The following MUC5B variants were observed in gnomAD, a reference collection of about 807,000 sequenced individuals.
MUC5B encodes mucin 5B, oligomeric mucus/gel-forming, also known as mucin-5B.
MUC5B carries 116 observed loss-of-function variants against 376.9 expected under a neutral mutation model. The ratio of observed to expected loss-of-function variants is 0.31; its 90% CI spans 0.26 to 0.36. The LOEUF (loss-of-function observed/expected upper bound fraction) is 0.36. Ranked by LOEUF, MUC5B falls within the 10% of genes least tolerant of loss-of-function variation. MUC5B has a pLI of 1.00. For missense variants in MUC5B, 7,165 were observed against 7,769.9 expected (o/e 0.92, Z 2.93); for synonymous variants, 3,517 against 3,390.9 (o/e 1.04, Z -1.29).
chr11:1,228,815 A>G (rs1328070300), intron 8 of MUC5B, 50 bp downstream of exon 8: 7 of 410,088 alleles, frequency 1.7e-5, no homozygotes, highest in South Asian at 1.5e-4. Context: ...GAGAAGGGGC[A>G]GGGGGAGCGC....
intron 15 of MUC5B, 97 bp downstream of exon 15, chr11:1,232,257 GGACCCC>G (rs1307639814): frequency 7.0e-7 from 1 of 1,427,114 alleles, no homozygotes; most frequent in Non-Finnish European, 9.4e-7. Flanking sequence ...GTGGGATTGG[GGACCCC>G]ATGGAGGCAG....
In MUC5B at chr11:1,231,991, C is replaced by A; in HGVS notation, c.1679-5C>A. ...CCGCTGACATCCCCCAACCCTGGCC[C>A]CCAGGCCTGTGTGGGAACTTCAACC... On this transcript the variant is annotated splice_region_variant and splice_polypyrimidine_tract_variant and intron_variant, in intron 14 of 48. Transcript: ENST00000529681. 1.2e-6 allele frequency: 2 copies of A among 1,612,586 alleles called. No individual in the cohort carries two copies. The highest frequency in any genetic ancestry group is 2.2e-5 in the South Asian group (2 of 91,084).
At chr11:1,252,718 AC>A (rs1862737786) in intron 32 of MUC5B, 90 bp from the exon 33 acceptor site, 1 of 1,483,384 alleles carries the variant, frequency 6.7e-7, no homozygotes, top group African/African-American at 1.4e-5. Context: ...TCTTGTGGCC[AC>A]CCGGGGCTTT....
chr11:1,251,164 T>G lies in MUC5B; in HGVS notation c.14284T>G (p.Trp4762Gly), dbSNP rs1206112744. 13 of 1,610,066 alleles carry G rather than the reference T, an allele frequency of 8.1e-6. 2 individuals carry two copies. The highest frequency in any genetic ancestry group is 3.3e-5 in the South Asian group (3 of 90,962). Residue 4762 changes from tryptophan (W) to glycine (G), a missense_variant, in exon 31 of 49, where the codon TGG (tryptophan) becomes GGG (glycine). Trp to Gly is a radical substitution (Grantham distance 184, BLOSUM62 -2). This residue lies in a region of MUC5B where 730 missense variants were observed against 592.7 expected (regional missense o/e 1.23). Coordinates refer to ENST00000529681, the MANE Select transcript of MUC5B (RefSeq NM_002458.3). ...PIPSSTLWTT[W>G]TVPAQTTTPM... is the part of the protein sequence containing the mutation. The stretch of plus-strand genomic sequence containing the variant: ...CCCCTCCTCCACCCTGTGGACCACG[T>G]GGACCGTCCCAGCACAGACCACCAC...
chr11:1,246,122 C>G lies in MUC5B; in HGVS notation c.9242C>G (p.Pro3081Arg), dbSNP rs368033072. The part of the protein sequence containing the change: ...SFTLGTTGTL[P>R]EQTTTPMATM... Reference sequence around the variant, plus strand: ...ACCCTTGGGACCACCGGGACCCTCCCAGAACAGACCACCACACCCATGGCC... The same window carrying G: ...ACCCTTGGGACCACCGGGACCCTCCGAGAACAGACCACCACACCCATGGCC... Residue 3081 changes from proline to arginine, a missense_variant, in exon 31 of 49, where the codon CCA (proline) becomes CGA (arginine). By Grantham distance (103) the Pro-to-Arg change is moderately radical (BLOSUM62 -2). Around this residue, in one of 31 missense-constraint regions of MUC5B, gnomAD observed 939 missense variants for 770.6 expected, o/e 1.22. Coordinates refer to ENST00000529681, the MANE Select transcript of MUC5B (RefSeq NM_002458.3). 3.7e-6 allele frequency: 6 copies of G among 1,613,008 alleles called. No homozygotes were observed. The African/African-American group carries it at 6.7e-5, about 18-fold the overall frequency.
intron 1 of MUC5B, among the ~76,000 whole-genome samples, chr11:1,223,707 C>G (rs1316620098): frequency 6.6e-6 from 1 of 152,252 alleles, no homozygotes; most frequent in East Asian, 1.9e-4. Flanking sequence ...GGCCTCAACC[C>G]ACGCTCGACT....
At position 1,250,763 on chromosome 11, in the gene MUC5B, C is replaced by G. The variant is rs1433577697; in HGVS notation, c.13883C>G (p.Thr4628Ser). The G allele has an allele frequency of 6.2e-7, 1 of 1,612,292 alleles. No homozygotes were observed. The highest frequency in any genetic ancestry group is 1.7e-5 in the Admixed American group (1 of 59,940). The change falls in exon 31 of 49, where the codon ACC becomes AGC. Residue 4628 changes from threonine to serine, a missense_variant. Around this residue, in one of 31 missense-constraint regions of MUC5B, gnomAD observed 730 missense variants for 592.7 expected, o/e 1.23. Coordinates refer to ENST00000529681, the MANE Select transcript of MUC5B (RefSeq NM_002458.3). ...WISTTTTPTT[T>S]TPTTSGSTVT... ...AGCACAACCACCACACCCACAACCACCACACCCACAACCAGTGGCTCCACG... is the reference window on the plus strand; with the variant it reads ...AGCACAACCACCACACCCACAACCAGCACACCCACAACCAGTGGCTCCACG...
Position 1,229,173 on chromosome 11 carries a change from G to A in MUC5B, c.980G>A (p.Arg327Gln), listed in dbSNP as rs969709815. The A allele has an allele frequency of 6.9e-6, 11 of 1,592,176 alleles. No homozygotes were observed. The highest frequency in any genetic ancestry group is 2.3e-5 in the East Asian group (1 of 44,142). ...AGCCCCACCTCCTTTTGCGCAGCCCGGACCTGCCCCCTCAACATGCAGCAC... is the reference window on the plus strand; with the variant it reads ...AGCCCCACCTCCTTTTGCGCAGCCCAGACCTGCCCCCTCAACATGCAGCAC... Reference protein sequence around the residue: ...RNWRCPELCPRTCPLNMQHQE... With the variant: ...RNWRCPELCPQTCPLNMQHQE... Residue 327 changes from arginine (R) to glutamine (Q), a missense_variant, in exon 9 of 49, where the codon CGG becomes CAG. Arg to Gln is a conservative substitution (Grantham distance 43). This residue lies in a region of MUC5B where 640 missense variants were observed against 733.0 expected (regional missense o/e 0.87). Transcript: ENST00000529681.
Position 1,242,147 on chromosome 11 carries a change from C to T in MUC5B, c.5267C>T (p.Ser1756Phe). The T allele has an allele frequency of 6.2e-7, 1 of 1,613,480 alleles. No individual in the cohort carries two copies. The highest frequency in any genetic ancestry group is 8.5e-7 in the Non-Finnish European group (1 of 1,179,876). Reference sequence around the variant, plus strand: ...ACACTCACGAGCGAGCTGTCCACCTCTCAGGCCGAGACCAGCACGCCCAGG... The same window carrying T: ...ACACTCACGAGCGAGCTGTCCACCTTTCAGGCCGAGACCAGCACGCCCAGG... The part of the protein sequence containing the change: ...APTLTSELST[S>F]QAETSTPRTE... Residue 1756 changes from serine (S) to phenylalanine (F), a missense_variant, in exon 31 of 49, where the codon TCT becomes TTT. By Grantham distance (155) the Ser-to-Phe change is radical. Around this residue, in one of 31 missense-constraint regions of MUC5B, gnomAD observed 897 missense variants for 779.6 expected, o/e 1.15. Coordinates refer to ENST00000529681, the MANE Select transcript of MUC5B (RefSeq NM_002458.3).
In MUC5B at chr11:1,255,473, C is replaced by A; in HGVS notation, c.15981C>A (p.Pro5327=). The change falls in exon 37 of 49, where the codon CCC becomes CCA. Residue 5327 remains proline, a synonymous_variant. Coordinates refer to ENST00000529681, the MANE Select transcript of MUC5B (RefSeq NM_002458.3). The part of the protein sequence containing the change: ...SDHCRGRLEV[P]CQSLEAYAEL... Reference sequence around the variant, plus strand: ...ACTGCAGGGGCCGCCTTGAGGTGCCCTGCCAGAGCCTGGAGGCTTACGCAG... The same window carrying A: ...ACTGCAGGGGCCGCCTTGAGGTGCCATGCCAGAGCCTGGAGGCTTACGCAG... 1 of 1,588,410 alleles carries A rather than the reference C, an allele frequency of 6.3e-7. No individual in the cohort carries two copies. The highest frequency in any genetic ancestry group is 2.3e-5 in the East Asian group (1 of 43,232).
In MUC5B at chr11:1,248,345, C is replaced by G. The variant is rs765026475; in HGVS notation, c.11465C>G (p.Ala3822Gly). ...ACACCCACGGCCACCATGTCCACAG[C>G]CACACCCTCCTCCACTCCAGAGACT... ...TTTPTATMSTATPSSTPETAH... is the reference protein window; with the variant it reads ...TTTPTATMSTGTPSSTPETAH... The change falls in exon 31 of 49, where the codon GCC becomes GGC. Residue 3822 changes from alanine (A) to glycine (G), a missense_variant. Coordinates refer to ENST00000529681, the MANE Select transcript of MUC5B (RefSeq NM_002458.3). 1 of 1,612,586 alleles carries G rather than the reference C, an allele frequency of 6.2e-7. No individual in the cohort carries two copies. The highest frequency in any genetic ancestry group is 1.3e-5 in the African/African-American group (1 of 74,660).
intron 7 of MUC5B, 104 bp from the exon 8 acceptor site, chr11:1,228,460 A>G: frequency 8.8e-7 from 1 of 1,135,678 alleles, no homozygotes; most frequent in South Asian, 1.6e-5. Context: ...GAACCCCGAC[A>G]GGGAGAGGGC....
At chr11:1,231,856 C>T in intron 14 of MUC5B, 140 bp from the exon 15 acceptor site, 1 of 1,236,728 alleles carries the variant, frequency 8.1e-7, no homozygotes, top group Non-Finnish European at 1.1e-6. Context: ...CAGGGCTTAT[C>T]TGCAGAGGGT....
At position 1,261,707 on chromosome 11, in the gene MUC5B, C is replaced by T; in HGVS notation, c.*99C>T. On this transcript the variant is annotated 3_prime_UTR_variant, in exon 49 of 49. Coordinates refer to ENST00000529681, the MANE Select transcript of MUC5B (RefSeq NM_002458.3). ...GGGCCTCCTCTGCGGAGCCCCCCGGCCTGTGTGTGGCACCCCGCGCTCCGT... is the reference window on the plus strand; with the variant it reads ...GGGCCTCCTCTGCGGAGCCCCCCGGTCTGTGTGTGGCACCCCGCGCTCCGT... 8.1e-7 allele frequency: 1 copy of T among 1,235,696 alleles called. No homozygotes were observed. The highest frequency in any genetic ancestry group is 1.1e-6 in the Non-Finnish European group (1 of 871,254). The allele number at this position is 1,235,696 out of a possible 1,614,324, so 76.5% of individuals were successfully genotyped here. A position where few individuals can be genotyped will look rare whatever the true frequency, so the allele number is the denominator to read the frequency against.
At position 1,228,671 on chromosome 11, in the gene MUC5B, C is replaced by T. The variant is rs779095620; in HGVS notation, c.882C>T (p.Cys294=). The T allele has an allele frequency of 6.5e-7, 1 of 1,534,422 alleles. No homozygotes were observed. Among genetic ancestry groups the T allele is most frequent in the Non-Finnish European group, 8.7e-7 (1 of 1,146,308 alleles). ...LAACAQDLCR[C]PTCPCATFVE... ...CCTGCGCCCAGGACCTGTGCCGCTG[C>T]CCCACCTGCCCGTGTGCCACCTTTG... The change falls in exon 8 of 49, where the codon TGC becomes TGT. Residue 294 remains cysteine (C), a synonymous_variant. Transcript: ENST00000529681.
Position 1,233,043 on chromosome 11 carries a change from A to G in MUC5B, c.2096A>G (p.Gln699Arg). The change falls in exon 18 of 49, where the codon CAG becomes CGG. Residue 699 changes from glutamine to arginine, a missense_variant. By Grantham distance (43) the Gln-to-Arg change is conservative. Around this residue, in one of 31 missense-constraint regions of MUC5B, gnomAD observed 530 missense variants for 604.0 expected, o/e 0.88. Transcript: ENST00000529681. ...TACATGCAGAACTGCCCCAAGTCCC[A>G]GCGCTACGCCTACGTGGTGGATGCC... ...TKYMQNCPKS[Q>R]RYAYVVDACQ... is the part of the protein sequence containing the mutation. 6.2e-7 allele frequency: 1 copy of G among 1,601,718 alleles called. No homozygotes were observed. The highest frequency in any genetic ancestry group is 8.5e-7 in the Non-Finnish European group (1 of 1,177,796).
Position 1,258,962 on chromosome 11 carries a change from C to T in MUC5B, c.16614C>T (p.Gly5538=), listed in dbSNP as rs540837204. 52 of 1,552,122 alleles carry T rather than the reference C, an allele frequency of 3.4e-5. No homozygotes were observed. The highest frequency in any genetic ancestry group is 3.3e-4 in the Middle Eastern group (2 of 5,984). Residue 5538 remains glycine (G), a synonymous_variant, in exon 44 of 49, where the codon GGC becomes GGT. Transcript: ENST00000529681. The surrounding 1 kb of genome is among the most constrained non-coding windows in gnomAD (Gnocchi z 5.5). The part of the protein sequence containing the change: ...TFYGVGATFP[G]ALPCHMCTCL... ...TGCAGGTTGGTGCAACCTTCCCAGG[C>T]GCCCTTCCCTGCCACATGTGTACCT... is the stretch of plus-strand genomic sequence containing the variant.
intron 1 of MUC5B, 76 bp downstream of exon 1, chr11:1,223,269 C>T: frequency 1.4e-6 from 1 of 700,498 alleles, no homozygotes; most frequent in Non-Finnish European, 2.6e-6. Flanking sequence ...TGCCTGGGAG[C>T]TTCTCCTGCA....
rs1449390802 is a variant in MUC5B, at chr11:1,243,590, C to T, written c.6710C>T (p.Thr2237Ile). ...ITEPSTVTSH[T>I]LAATTGTTQH... is the part of the protein sequence containing the mutation. ...GAGCCTTCCACGGTGACTTCCCACA[C>T]CCTAGCAGCAACCACCGGTACCACC... The change falls in exon 31 of 49, where the codon ACC becomes ATC. Residue 2237 changes from threonine to isoleucine, a missense_variant. Coordinates refer to ENST00000529681, the MANE Select transcript of MUC5B (RefSeq NM_002458.3). 3 of 1,608,896 alleles carry T rather than the reference C, an allele frequency of 1.9e-6. No individual in the cohort carries two copies. Among genetic ancestry groups the T allele is most frequent in the South Asian group, 2.2e-5 (2 of 90,728 alleles).
Sources: gnomAD v4.1 joint callset for allele counts (sites outside exome capture counted in the v4.1 genomes callset) on GRCh38, gnomAD v4.1.1 for gene constraint, gnomAD v4.1.1 regional missense constraint, Gnocchi (gnomAD v3.1) non-coding constraint, MANE v1.5 for transcripts, NCBI Gene and HGNC (gene_info 2026-07-23, HGNC 2026-07-21) for gene names.